The following EIF5B variants were observed in gnomAD, a reference collection of about 807,000 sequenced individuals.
EIF5B encodes eIF-5B.
A neutral mutation model predicts 147.5 loss-of-function variants in EIF5B; 47 were observed. That is an observed-to-expected ratio of 0.32 (90% CI 0.25 to 0.41). EIF5B has a LOEUF of 0.41. Among genes scored for constraint, EIF5B ranks in the 10% least tolerant of loss-of-function variants. The pLI is 1.00. For synonymous variants in EIF5B, 455 were observed against 456.2 expected, an observed-to-expected ratio of 1.00 and a Z score of 0.03; for missense variants, 1,064 against 1,413.2, an observed-to-expected ratio of 0.75 and a Z score of 3.96.
intron 1 of EIF5B, among the ~76,000 whole-genome samples, chr2:99,354,022 A>C (rs1674041572): frequency 6.6e-6 from 1 of 152,200 alleles, no homozygotes; most frequent in Admixed American, 6.5e-5. Context: ...ATGAACATAA[A>C]TTTTTGTTAT....
intron 3 of EIF5B, 84 bp from the exon 4 acceptor site, chr2:99,361,064 T>TA (rs1267410806): frequency 2.5e-6 from 3 of 1,204,060 alleles, no homozygotes; most frequent in African/African-American, 3.2e-5. Flanking sequence ...TTGAGATTTT[T>TA]AAAAAATGTT....
At chr2:99,353,405 C>T (rs1017093046) in intron 1 of EIF5B, among the ~76,000 whole-genome samples, 2 of 151,202 alleles carry the variant, frequency 1.3e-5, no homozygotes, top group African/African-American at 4.9e-5. Context: ...GCAATCCACC[C>T]ACCTCGGCTT....
intron 13 of EIF5B, among the ~76,000 whole-genome samples, chr2:99,382,531 C>T (rs574392129): frequency 3.3e-5 from 5 of 152,278 alleles, no homozygotes; most frequent in African/African-American, 9.6e-5. Flanking sequence ...TGTCCATATT[C>T]TTTAACACAG....
chr2:99,375,925 A>T (rs1674556421), intron 9 of EIF5B, among the ~76,000 whole-genome samples: 1 of 152,210 alleles, frequency 6.6e-6, no homozygotes, highest in Non-Finnish European at 1.5e-5. Flanking sequence ...CCGATTTCAG[A>T]TGCAAATATT....
chr2:99,376,763 T>C (rs1674573697), intron 10 of EIF5B, 127 bp downstream of exon 10: 3 of 1,381,254 alleles, frequency 2.2e-6, no homozygotes, highest in Non-Finnish European at 2.8e-6. Flanking sequence ...CGTTCAGTTT[T>C]TGTAATGTTG....
chr2:99,371,302 C>T (rs1046062408), intron 8 of EIF5B, among the ~76,000 whole-genome samples: 3 of 152,046 alleles, frequency 2.0e-5, no homozygotes, highest in Non-Finnish European at 4.4e-5. Flanking sequence ...TCCTGGCTAA[C>T]ACGGTGAAAC....
intron 14 of EIF5B, 96 bp downstream of exon 14, chr2:99,383,017 A>G (rs1231822766): frequency 7.7e-7 from 1 of 1,299,236 alleles, no homozygotes; most frequent in African/African-American, 1.5e-5. Context: ...AGCATAGCTC[A>G]TTTTATTGTG....
At chr2:99,386,162 C>G (rs111375889) in intron 14 of EIF5B, among the ~76,000 whole-genome samples, 17 of 152,196 alleles carry the variant, frequency 1.1e-4, no homozygotes, top group African/African-American at 3.9e-4. Flanking sequence ...CGAATACTCG[C>G]CCTACCTCCA....
At chr2:99,368,686 A>G in intron 7 of EIF5B, 95 bp downstream of exon 7, 1 of 905,824 alleles carries the variant, frequency 1.1e-6, no homozygotes, top group South Asian at 1.6e-5. Flanking sequence ...AAAGGAAAAA[A>G]TCCGAAATGC....
intron 10 of EIF5B, among the ~76,000 whole-genome samples, chr2:99,377,329 A>C (rs1446198365): frequency 6.6e-6 from 1 of 151,714 alleles, no homozygotes; most frequent in Admixed American, 6.6e-5. Context: ...AAATTGTCTA[A>C]ATTTCTAAAG....
intron 14 of EIF5B, among the ~76,000 whole-genome samples, chr2:99,383,365 G>T (rs1258733660): frequency 6.6e-6 from 1 of 152,096 alleles, no homozygotes; most frequent in African/African-American, 2.4e-5. Flanking sequence ...GCAACCAGCT[G>T]TTCCCTTGTC....
intron 14 of EIF5B, among the ~76,000 whole-genome samples, chr2:99,386,536 T>G (rs1559258440): frequency 6.9e-6 from 1 of 144,372 alleles, no homozygotes; most frequent in African/African-American, 2.5e-5. Context: ...TGTGTGTGTG[T>G]TTTTTTTTTT....
rs907121395 is a variant in EIF5B, at chr2:99,400,614, C to T, written c.*1200C>T. On this transcript the variant is annotated 3_prime_UTR_variant, in exon 24 of 24. Coordinates refer to ENST00000289371, the MANE Select transcript of EIF5B (RefSeq NM_015904.4). ...GGCCAGTAGAAGCAAAAAGACAACA[C>T]CACCTCTGATCTACGGGACATAATG... 1 of 152,220 alleles carries T rather than the reference C, an allele frequency of 6.6e-6. No individual in the cohort carries two copies. Among genetic ancestry groups the T allele is most frequent in the Middle Eastern group, 3.4e-3 (1 of 294 alleles). 9.4% of individuals were successfully genotyped at this position (152,220 alleles called of 1,614,324 possible). A position where few individuals can be genotyped will look rare whatever the true frequency, so the allele number is the denominator to read the frequency against.
In EIF5B at chr2:99,398,737, T is replaced by C. The variant is rs1675125583; in HGVS notation, c.3394-11T>C. 6.2e-7 allele frequency: 1 copy of C among 1,602,796 alleles called. No homozygotes were observed. Among genetic ancestry groups the C allele is most frequent in the Non-Finnish European group, 8.5e-7 (1 of 1,175,510 alleles). On this transcript the variant is annotated splice_polypyrimidine_tract_variant and intron_variant, in intron 22 of 23. Coordinates refer to ENST00000289371, the MANE Select transcript of EIF5B (RefSeq NM_015904.4). Reference sequence around the variant, plus strand: ...CTTCTGCATGCATTTTAATTTGTTCTTATTTTATAGTTTGTTGACATCGGA... The same window carrying C: ...CTTCTGCATGCATTTTAATTTGTTCCTATTTTATAGTTTGTTGACATCGGA...
At chr2:99,384,414 ATGT>A (rs1674756780) in intron 14 of EIF5B, among the ~76,000 whole-genome samples, 1 of 152,216 alleles carries the variant, frequency 6.6e-6, no homozygotes. Context: ...AAGGAGATTA[ATGT>A]TGTTTTCGTG....
At chr2:99,355,364 C>T (rs891230105) in intron 1 of EIF5B, among the ~76,000 whole-genome samples, 3 of 152,016 alleles carry the variant, frequency 2.0e-5, no homozygotes, top group Non-Finnish European at 2.9e-5. Context: ...TGCATTAAAC[C>T]TGTATATCAT....
At chr2:99,392,196 G>C (rs1372459611) in intron 17 of EIF5B, among the ~76,000 whole-genome samples, 1 of 151,852 alleles carries the variant, frequency 6.6e-6, no homozygotes, top group Non-Finnish European at 1.5e-5. Context: ...GTCTCAGTCT[G>C]TCATCCAGGC....
intron 14 of EIF5B, among the ~76,000 whole-genome samples, chr2:99,387,623 G>A (rs1368658749): frequency 6.6e-6 from 1 of 151,984 alleles, no homozygotes; most frequent in Non-Finnish European, 1.5e-5. Context: ...TATTGTTTTG[G>A]CTATTTTAGG....
Position 99,368,590 on chromosome 2 carries a change from A to T in EIF5B, c.1386A>T (p.Glu462Asp), listed in dbSNP as rs755258454. ...KKIPQQLESK[E>D]VSESMELCAA... ...TACCACAGCAGCTAGAAAGTAAAGAAGGTTTGTATACAAAATAGCCTCTAA... is the reference window on the plus strand; with the variant it reads ...TACCACAGCAGCTAGAAAGTAAAGATGGTTTGTATACAAAATAGCCTCTAA... The change falls in exon 7 of 24, where the codon GAA becomes GAT. Residue 462 changes from glutamate to aspartate, a missense_variant and splice_region_variant. By Grantham distance (45) the Glu-to-Asp change is conservative (BLOSUM62 2). Around this residue, in one of 4 missense-constraint regions of EIF5B, gnomAD observed 195 missense variants for 186.3 expected, o/e 1.05. Coordinates refer to ENST00000289371, the MANE Select transcript of EIF5B (RefSeq NM_015904.4). The T allele has an allele frequency of 2.5e-6, 4 of 1,605,594 alleles. No homozygotes were observed. The highest frequency in any genetic ancestry group is 1.7e-5 in the Admixed American group (1 of 59,810).
Sources: gnomAD v4.1 joint callset for allele counts (sites outside exome capture counted in the v4.1 genomes callset) on GRCh38, gnomAD v4.1.1 for gene constraint, gnomAD v4.1.1 regional missense constraint, MANE v1.5 for transcripts, NCBI Gene and HGNC (gene_info 2026-07-23, HGNC 2026-07-21) for gene names.